Variants in ANO6 observed in about 807,000 individuals in gnomAD.
ANO6 encodes the protein anoctamin 6, also known as anoctamin-6.
Under a neutral mutation model 117.5 loss-of-function variants are expected in ANO6, and 106 were observed. The ratio of observed to expected loss-of-function variants is 0.90; its 90% CI spans 0.77 to 1.06. The LOEUF (loss-of-function observed/expected upper bound fraction) is 1.06, where lower values mean the gene tolerates loss of function less well. Among genes scored for constraint, ANO6 ranks in the 50% least tolerant of loss-of-function variants. The probability of loss-of-function intolerance (pLI) is 0.00; values close to 1 mark genes in which losing one functional copy is unlikely to be tolerated. For synonymous variants in ANO6, 367 were observed against 385.1 expected (o/e 0.95, Z 0.55); for missense variants, 955 against 1,121.1 (o/e 0.85, Z 2.12).
At chr12:45,434,698 G>C (rs1943687827), downstream of ANO6, among the ~76,000 whole-genome samples, 1 of 152,144 alleles carries the variant, frequency 6.6e-6, no homozygotes, top group South Asian at 2.1e-4. Context: ...TCTGCTCTGT[G>C]GGAAACCTCT....
At chr12:45,329,039 A>G (rs1021917295) in intron 2 of ANO6, among the ~76,000 whole-genome samples, 2 of 152,210 alleles carry the variant, frequency 1.3e-5, no homozygotes, top group Non-Finnish European at 2.9e-5. Context: ...GGAATAGGCT[A>G]TTTGGGAATT....
At chr12:45,324,760 A>G (rs138403794) in intron 2 of ANO6, among the ~76,000 whole-genome samples, 60 of 152,318 alleles carry the variant, frequency 3.9e-4, no homozygotes, top group African/African-American at 1.4e-3. Flanking sequence ...CTGAGAACCT[A>G]GTAAAGAACC....
chr12:45,396,430 T>C (rs1942615372), intron 12 of ANO6, among the ~76,000 whole-genome samples: 1 of 152,192 alleles, frequency 6.6e-6, no homozygotes, highest in Non-Finnish European at 1.5e-5. Context: ...AAGTAATTTA[T>C]AAATTCAGTG....
chr12:45,270,771 TGA>T (rs2137233027), intron 1 of ANO6, among the ~76,000 whole-genome samples: 1 of 152,284 alleles, frequency 6.6e-6, no homozygotes, highest in East Asian at 1.9e-4. Flanking sequence ...ATTTTTTTTT[TGA>T]GACAGTCTCA....
chr12:45,243,569 G>A (rs1321008448), intron 1 of ANO6, among the ~76,000 whole-genome samples: 2 of 151,394 alleles, frequency 1.3e-5, no homozygotes, highest in East Asian at 1.9e-4. Context: ...AATTTTTTGA[G>A]ATGGAGTTTT....
At chr12:45,378,211 C>A in intron 10 of ANO6, 98 bp downstream of exon 10, 1 of 1,201,826 alleles carries the variant, frequency 8.3e-7, no homozygotes, top group Non-Finnish European at 1.2e-6. Context: ...CTTGTATTGC[C>A]CAGGCTTCAA....
At chr12:45,319,600 A>C (rs202103404) in intron 2 of ANO6, among the ~76,000 whole-genome samples, 28 of 152,246 alleles carry the variant, frequency 1.8e-4, no homozygotes, top group Admixed American at 9.2e-4. Context: ...TGTCTCTGCC[A>C]GGCTTTGGTA....
chr12:45,217,412 G>A (rs1358768756), intron 1 of ANO6, among the ~76,000 whole-genome samples: 2 of 152,178 alleles, frequency 1.3e-5, no homozygotes, highest in African/African-American at 4.8e-5. Flanking sequence ...AATTTTAGGA[G>A]TTGGGTGTGG....
intron 10 of ANO6, among the ~76,000 whole-genome samples, chr12:45,384,745 A>G (rs1247332076): frequency 6.6e-6 from 1 of 152,234 alleles, no homozygotes; most frequent in Non-Finnish European, 1.5e-5. Context: ...TATAAAAGAT[A>G]CAATAATAAT....
chr12:45,282,714 G>A lies in ANO6; in HGVS notation c.71-19300G>A, dbSNP rs534352814. The stretch of plus-strand genomic sequence containing the variant: ...TGCAGTGGAAAGGCTGATTAAAGTT[G>A]TTTTAACTTTTTTGATAACCTTTTA... On this transcript the variant is annotated intron_variant, in intron 1 of 19. Coordinates refer to ENST00000320560, the MANE Select transcript of ANO6 (RefSeq NM_001025356.3). 5.3e-5 allele frequency among the ~76,000 whole-genome samples: 8 copies of A among 152,156 alleles called. No homozygotes were observed. The South Asian group carries it at 1.2e-3, about 24-fold the overall frequency.
At chr12:45,409,628 A>G in intron 16 of ANO6, 141 bp downstream of exon 16, 1 of 1,022,870 alleles carries the variant, frequency 9.8e-7, no homozygotes, top group Non-Finnish European at 1.5e-6. Flanking sequence ...AGATAAAATT[A>G]TACAATCCAG....
rs532139792 is a variant in ANO6 at position 45,416,733 on chromosome 12, C to G, written c.2046C>G (p.Ala682=). The change falls in exon 17 of 20, where the codon GCC becomes GCG. Residue 682 remains alanine (A), a synonymous_variant. Transcript: ENST00000320560. The part of the protein sequence containing the change: ...IQFGFVTLFV[A]SFPLAPLLAL... Reference sequence around the variant, plus strand: ...TTGGGTTCGTCACCTTATTTGTGGCCTCTTTTCCACTGGCCCCTCTGTTGG... The same window carrying G: ...TTGGGTTCGTCACCTTATTTGTGGCGTCTTTTCCACTGGCCCCTCTGTTGG... 25 of 1,614,102 alleles carry G rather than the reference C, an allele frequency of 1.5e-5. No individual in the cohort carries two copies. In the South Asian group the frequency reaches 2.4e-4, roughly 16 times the overall value.
rs541381381 is a variant in ANO6 at position 45,290,764 on chromosome 12, G to C, written c.71-11250G>C. On this transcript the variant is annotated intron_variant, in intron 1 of 19. Transcript: ENST00000320560. Reference sequence around the variant, plus strand: ...GTTTTTAAAAGTCTGTTTATTAAATGCTAAAAGTTGCAGAAATGAAAAAGC... The same window carrying C: ...GTTTTTAAAAGTCTGTTTATTAAATCCTAAAAGTTGCAGAAATGAAAAAGC... Among the ~76,000 whole-genome samples, 5 of 152,224 alleles carry C rather than the reference G, an allele frequency of 3.3e-5. No homozygotes were observed. In the South Asian group the frequency reaches 8.3e-4, roughly 25 times the overall value.
At chr12:45,331,144 G>C in intron 2 of ANO6, 151 bp from the exon 3 acceptor site, 1 of 648,880 alleles carries the variant, frequency 1.5e-6, no homozygotes. Flanking sequence ...TGCCATGTCA[G>C]TCATAGTGGC....
At chr12:45,398,450 G>C (rs1565750370) in intron 12 of ANO6, among the ~76,000 whole-genome samples, 1 of 152,156 alleles carries the variant, frequency 6.6e-6, no homozygotes, top group Non-Finnish European at 1.5e-5. Flanking sequence ...CAGCTTCGTA[G>C]AAGGCAGCTT....
intron 1 of ANO6, among the ~76,000 whole-genome samples, chr12:45,271,677 T>C (rs1210680913): frequency 6.6e-6 from 1 of 152,236 alleles, no homozygotes. Context: ...TTTACCCTTG[T>C]AGCTGTACCA....
At chr12:45,310,533 G>A (rs1464836487) in intron 2 of ANO6, among the ~76,000 whole-genome samples, 1 of 152,056 alleles carries the variant, frequency 6.6e-6, no homozygotes, top group Non-Finnish European at 1.5e-5. Context: ...CAGTTTAACT[G>A]TATGAGATGA....
chr12:45,427,051 A>C (rs1044714763), intron 19 of ANO6, among the ~76,000 whole-genome samples: 2 of 151,904 alleles, frequency 1.3e-5, no homozygotes, highest in Admixed American at 1.3e-4. Context: ...TCCCATCCAC[A>C]GTATTTCCCT....
At chr12:45,275,252 C>T (rs1938517391) in intron 1 of ANO6, among the ~76,000 whole-genome samples, 1 of 152,052 alleles carries the variant, frequency 6.6e-6, no homozygotes, top group Non-Finnish European at 1.5e-5. Flanking sequence ...GCTCTGTCGC[C>T]CAGGCTGGAG....
Sources: gnomAD v4.1 joint callset for allele counts (sites outside exome capture counted in the v4.1 genomes callset) on GRCh38, gnomAD v4.1.1 for gene constraint, MANE v1.5 for transcripts, NCBI Gene and HGNC (gene_info 2026-07-23, HGNC 2026-07-21) for gene names.